Variants in ZBTB16 observed in about 807,000 individuals in gnomAD.
ZBTB16 encodes zinc finger and BTB domain-containing protein 16.
A neutral mutation model predicts 56.8 loss-of-function variants in ZBTB16; 8 were observed. That is an observed-to-expected ratio of 0.14 (90% confidence interval 0.08 to 0.25). The LOEUF (loss-of-function observed/expected upper bound fraction) is 0.25. Among genes scored for constraint, ZBTB16 ranks in the 10% least tolerant of loss-of-function variants. ZBTB16 has a pLI of 1.00. For synonymous variants in ZBTB16, 363 were observed against 368.5 expected, an observed-to-expected ratio of 0.98 and a Z score of 0.17; for missense variants, 625 against 903.0, an observed-to-expected ratio of 0.69 and a Z score of 3.95.
At chr11:114,083,811 A>G (rs1401146795) in intron 2 of ZBTB16, among the ~76,000 whole-genome samples, 1 of 152,138 alleles carries the variant, frequency 6.6e-6, no homozygotes, top group Non-Finnish European at 1.5e-5. Context: ...CCCACCGCCA[A>G]GAATTCTGCT....
chr11:114,065,633 C>T (rs1939087287), intron 2 of ZBTB16, among the ~76,000 whole-genome samples: 1 of 152,210 alleles, frequency 6.6e-6, no homozygotes, highest in Non-Finnish European at 1.5e-5. Flanking sequence ...TCAGGATGGT[C>T]TCGAACTCCC....
rs769519269 is a variant in ZBTB16 at position 114,185,657 on chromosome 11, C to T, written c.1367-1295C>T. 5.8e-4 allele frequency among the ~76,000 whole-genome samples: 88 copies of T among 152,258 alleles called. 1 individual carries two copies. The highest frequency in any genetic ancestry group is 7.2e-4 in the Non-Finnish European group (49 of 68,016). On this transcript the variant is annotated intron_variant, in intron 3 of 6. Coordinates refer to ENST00000335953, the MANE Select transcript of ZBTB16 (RefSeq NM_006006.6). ...GCGTCTTACAGTGTTCTGAGTGTGA[C>T]GCAGCAAGGGCCTGAATGGGGTGGT...
intron 3 of ZBTB16, among the ~76,000 whole-genome samples, chr11:114,185,958 TC>T (rs1167245919): frequency 6.6e-6 from 1 of 152,220 alleles, no homozygotes; most frequent in African/African-American, 2.4e-5. Flanking sequence ...GTAATAGGTT[TC>T]CAGTGTGTGT....
At chr11:114,233,123 ACACTCTCT>A (rs777316116) in intron 4 of ZBTB16, among the ~76,000 whole-genome samples, 5,897 of 51,682 alleles carry the variant, frequency 0.11, 184 homozygotes, top group Non-Finnish European at 0.15. Flanking sequence ...ACACACACAC[ACACTCTCT>A]CTCTCTCACA....
chr11:114,203,388 C>T (rs1943779080), intron 4 of ZBTB16, among the ~76,000 whole-genome samples: 1 of 152,056 alleles, frequency 6.6e-6, no homozygotes, highest in Non-Finnish European at 1.5e-5. Context: ...TGATGGTATT[C>T]AGCTTTATGA....
At chr11:114,197,447 C>CTCTCTT (rs1368683434) in intron 4 of ZBTB16, among the ~76,000 whole-genome samples, 1 of 152,152 alleles carries the variant, frequency 6.6e-6, no homozygotes, top group Non-Finnish European at 1.5e-5. Context: ...CTCTGTTTCT[C>CTCTCTT]TCTCTTTGTC....
intron 4 of ZBTB16, among the ~76,000 whole-genome samples, chr11:114,222,000 C>A (rs769208641): frequency 1.3e-5 from 2 of 152,112 alleles, no homozygotes; most frequent in Non-Finnish European, 2.9e-5. Context: ...AGTGACCATC[C>A]AGCTTGGCTC....
chr11:114,087,974 C>T (rs1002672520), intron 2 of ZBTB16, among the ~76,000 whole-genome samples: 1 of 152,146 alleles, frequency 6.6e-6, no homozygotes, highest in Admixed American at 6.5e-5. Context: ...CCATATCCTT[C>T]TCTGGTCATC....
intron 2 of ZBTB16, among the ~76,000 whole-genome samples, chr11:114,151,469 A>T (rs1411653165): frequency 6.6e-6 from 1 of 151,750 alleles, no homozygotes; most frequent in East Asian, 2.0e-4. Flanking sequence ...CCAGCTGTGG[A>T]GCCCTCCCAT....
At chr11:114,128,380 G>C (rs1941571281) in intron 2 of ZBTB16, among the ~76,000 whole-genome samples, 1 of 152,224 alleles carries the variant, frequency 6.6e-6, no homozygotes, top group African/African-American at 2.4e-5. Flanking sequence ...GTGGCCACAT[G>C]GGCACAGTGG....
chr11:114,158,014 G>T (rs1170747079), intron 3 of ZBTB16, among the ~76,000 whole-genome samples: 1 of 151,976 alleles, frequency 6.6e-6, no homozygotes, highest in Non-Finnish European at 1.5e-5. Flanking sequence ...TTTTTCTTCT[G>T]TTTTAGGGAC....
At chr11:114,209,855 C>G in intron 4 of ZBTB16, 2 of 985,380 alleles carry the variant, frequency 2.0e-6, no homozygotes, top group Non-Finnish European at 2.4e-6. Flanking sequence ...CTGTGGGTCT[C>G]ATGTTTGTTG....
At position 114,116,398 on chromosome 11, in the gene ZBTB16, T is replaced by A. The variant is rs535264278; in HGVS notation, c.1269-39939T>A. 2.0e-5 allele frequency among the ~76,000 whole-genome samples: 3 copies of A among 152,356 alleles called. 1 individual carries two copies. In the South Asian group the frequency reaches 6.2e-4, roughly 32 times the overall value. ...TTGATTACTTTCTAAAATTTAGGCG[T>A]TGCTGAACTTCTCCTCATGCTTAGG... On this transcript the variant is annotated intron_variant, in intron 2 of 6. Transcript: ENST00000335953.
At chr11:114,178,718 C>CA (rs989659284) in intron 3 of ZBTB16, among the ~76,000 whole-genome samples, 103 of 152,288 alleles carry the variant, frequency 6.8e-4, no homozygotes, top group African/African-American at 2.3e-3. Flanking sequence ...CAGTAAGAGA[C>CA]AAGGGCACCA....
chr11:114,206,348 T>C (rs901189282), intron 4 of ZBTB16, among the ~76,000 whole-genome samples: 2 of 152,260 alleles, frequency 1.3e-5, no homozygotes, highest in East Asian at 1.9e-4. Context: ...CACAGCAGGC[T>C]AGAGAGAGAC....
intron 3 of ZBTB16, 90 bp downstream of exon 3, chr11:114,156,524 A>G (rs1382580955): frequency 1.6e-6 from 2 of 1,233,734 alleles, no homozygotes; most frequent in Admixed American, 1.8e-5. Context: ...TGTGGCCTGC[A>G]TGTCCCCACT....
intron 4 of ZBTB16, among the ~76,000 whole-genome samples, chr11:114,229,011 GGTGA>G (rs1944385343): frequency 1.3e-5 from 2 of 152,194 alleles, no homozygotes; most frequent in South Asian, 2.1e-4. Context: ...GCAGAGTCGG[GGTGA>G]GTAAGGAGTC....
intron 2 of ZBTB16, among the ~76,000 whole-genome samples, chr11:114,132,708 A>C (rs1467296367): frequency 6.6e-6 from 1 of 152,216 alleles, no homozygotes; most frequent in Non-Finnish European, 1.5e-5. Context: ...TTTTGAGTCC[A>C]TCTCGAGCAT....
rs1414333320 is a variant in ZBTB16, at chr11:114,102,333, GGCT to G, written c.1268+37770_1268+37772del. Among the ~76,000 whole-genome samples the G allele has an allele frequency of 3.3e-5, 5 of 152,254 alleles. No homozygotes were observed. In the East Asian group the frequency reaches 9.7e-4, roughly 29 times the overall value. On this transcript the variant is annotated intron_variant, in intron 2 of 6. Transcript: ENST00000335953. The stretch of plus-strand genomic sequence containing the variant: ...GGGTTTAAATCTCACTGGGGGTTGA[GGCT>G]GCTGAACTGCTATTCCTAACATGCT...
Sources: gnomAD v4.1 joint callset for allele counts (sites outside exome capture counted in the v4.1 genomes callset) on GRCh38, gnomAD v4.1.1 for gene constraint, MANE v1.5 for transcripts, NCBI Gene and HGNC (gene_info 2026-07-23, HGNC 2026-07-21) for gene names.